DPP10: variants seen among roughly 807,000 people sequenced by gnomAD.
The protein encoded by DPP10 is dipeptidyl peptidase like 10.
In DPP10, 33 loss-of-function variants were observed where a neutral mutation model predicts 120.9. The observed-to-expected ratio is 0.27, with a 90% CI of 0.21 to 0.37. The LOEUF (loss-of-function observed/expected upper bound fraction) is 0.37. Among genes scored for constraint, DPP10 ranks in the 10% least tolerant of loss-of-function variants. The probability of loss-of-function intolerance (pLI) is 1.00; values close to 1 mark genes in which losing one functional copy is unlikely to be tolerated. For synonymous variants in DPP10, 337 were observed against 326.1 expected, an observed-to-expected ratio of 1.03 and a Z score of -0.36; for missense variants, 816 against 942.8, an observed-to-expected ratio of 0.87 and a Z score of 1.76.
chr2:114,636,346 T>C (rs1380834279), intron 1 of DPP10, among the ~76,000 whole-genome samples: 3 of 151,988 alleles, frequency 2.0e-5, no homozygotes. Flanking sequence ...AACATTCTTA[T>C]ATAACATTGG....
chr2:114,690,583 A>G (rs758180085), intron 1 of DPP10, among the ~76,000 whole-genome samples: 5 of 152,068 alleles, frequency 3.3e-5, no homozygotes, highest in Non-Finnish European at 7.4e-5. Context: ...TTTTGGTTCC[A>G]TGTGAATATA....
chr2:115,495,684 C>T (rs887603112), intron 3 of DPP10, among the ~76,000 whole-genome samples: 8 of 151,980 alleles, frequency 5.3e-5, no homozygotes, highest in Non-Finnish European at 7.4e-5. Flanking sequence ...AAAATTGGAT[C>T]GAAATGGCAG....
At chr2:115,105,721 G>A (rs2048916400) in intron 1 of DPP10, among the ~76,000 whole-genome samples, 1 of 152,130 alleles carries the variant, frequency 6.6e-6, no homozygotes, top group Admixed American at 6.5e-5. Flanking sequence ...TAGGCTCCAA[G>A]TCTATTAAGT....
intron 1 of DPP10, among the ~76,000 whole-genome samples, chr2:114,803,061 A>G (rs1440216501): frequency 6.6e-6 from 1 of 152,170 alleles, no homozygotes. Context: ...CGAGGGACTC[A>G]CGGGGAGGTA....
At chr2:115,623,990 C>A (rs953628386) in intron 5 of DPP10, among the ~76,000 whole-genome samples, 8 of 151,940 alleles carry the variant, frequency 5.3e-5, no homozygotes, top group African/African-American at 1.7e-4. Context: ...TGCTACGTGA[C>A]CTTTTAATCT....
At chr2:115,798,516 A>G (rs1684798786) in intron 19 of DPP10, among the ~76,000 whole-genome samples, 1 of 152,092 alleles carries the variant, frequency 6.6e-6, no homozygotes, top group African/African-American at 2.4e-5. Flanking sequence ...TACATTATGA[A>G]TCATGTAAGG....
At chr2:115,220,245 C>G (rs1177420769) in intron 1 of DPP10, among the ~76,000 whole-genome samples, 3 of 152,150 alleles carry the variant, frequency 2.0e-5, no homozygotes, top group Non-Finnish European at 4.4e-5. Flanking sequence ...TTTATACACT[C>G]ATTGTTGGTA....
At chr2:114,733,434 T>G (rs1407734634) in intron 1 of DPP10, among the ~76,000 whole-genome samples, 3 of 152,180 alleles carry the variant, frequency 2.0e-5, no homozygotes, top group Admixed American at 6.5e-5. Flanking sequence ...TCACAACATT[T>G]AGAACATACT....
At chr2:114,499,874 T>C (rs1448637012) in intron 1 of DPP10, among the ~76,000 whole-genome samples, 1 of 152,194 alleles carries the variant, frequency 6.6e-6, no homozygotes, top group Non-Finnish European at 1.5e-5. Flanking sequence ...ATGAACCAAT[T>C]CTCCACCCCT....
chr2:114,842,361 G>T (rs561766084), intron 1 of DPP10, among the ~76,000 whole-genome samples: 23 of 152,242 alleles, frequency 1.5e-4, no homozygotes, highest in African/African-American at 5.1e-4. Flanking sequence ...GGAGGAATAT[G>T]CTGGAATGAA....
At chr2:115,720,520 T>C (rs917353487) in intron 7 of DPP10, among the ~76,000 whole-genome samples, 2 of 152,132 alleles carry the variant, frequency 1.3e-5, no homozygotes, top group Non-Finnish European at 2.9e-5. Context: ...ATGTAGATGA[T>C]GGAATTCAAG....
At chr2:115,040,975 C>T (rs764841387) in intron 1 of DPP10, among the ~76,000 whole-genome samples, 13 of 151,866 alleles carry the variant, frequency 8.6e-5, no homozygotes, top group African/African-American at 1.2e-4. Context: ...AAAAATTAGC[C>T]GGGCATTGTG....
intron 17 of DPP10, among the ~76,000 whole-genome samples, chr2:115,787,958 A>G (rs1174481741): frequency 6.6e-6 from 1 of 152,178 alleles, no homozygotes; most frequent in Non-Finnish European, 1.5e-5. Flanking sequence ...AAACTGAACT[A>G]AACAAAAATT....
chr2:115,390,377 G>T (rs564711117), intron 3 of DPP10, among the ~76,000 whole-genome samples: 1 of 152,254 alleles, frequency 6.6e-6, no homozygotes, highest in East Asian at 1.9e-4. Context: ...CCAAACGAGA[G>T]ATGGCATTTC....
chr2:115,582,093 C>T (rs1306110353), intron 5 of DPP10, among the ~76,000 whole-genome samples: 1 of 152,084 alleles, frequency 6.6e-6, no homozygotes, highest in African/African-American at 2.4e-5. Flanking sequence ...CAAGCGGGTG[C>T]CTTGCGAGAT....
intron 1 of DPP10, among the ~76,000 whole-genome samples, chr2:114,497,657 A>C (rs1196550264): frequency 1.3e-5 from 2 of 152,174 alleles, no homozygotes; most frequent in African/African-American, 4.8e-5. Context: ...AAGTGGGATA[A>C]TTTCCATATC....
chr2:115,064,393 A>G (rs902859225), intron 1 of DPP10, among the ~76,000 whole-genome samples: 1 of 152,186 alleles, frequency 6.6e-6, no homozygotes, highest in African/African-American at 2.4e-5. Flanking sequence ...GCTGAGCATT[A>G]CAAGGTAAAG....
At chr2:114,875,079 G>A (rs943504373) in intron 1 of DPP10, among the ~76,000 whole-genome samples, 1 of 152,092 alleles carries the variant, frequency 6.6e-6, no homozygotes, top group Admixed American at 6.6e-5. Context: ...TGCTAAAAGG[G>A]TAGCTTTGTG....
chr2:115,171,955 C>T (rs2053377084), intron 1 of DPP10, among the ~76,000 whole-genome samples: 1 of 152,150 alleles, frequency 6.6e-6, no homozygotes, highest in South Asian at 2.1e-4. Flanking sequence ...GTGAAATTCA[C>T]TACTCCAGTG....
Sources: allele counts gnomAD v4.1 joint callset (sites outside exome capture counted in the v4.1 genomes callset), GRCh38; gene constraint gnomAD v4.1.1; transcripts MANE v1.5; gene names NCBI Gene and HGNC (gene_info 2026-07-23, HGNC 2026-07-21).